Variants in TRAPPC10 observed in about 807,000 individuals in gnomAD.
TRAPPC10 encodes TRAPP 130 kDa subunit.
A neutral mutation model predicts 125.5 loss-of-function variants in TRAPPC10; 23 were observed. The observed-to-expected ratio is 0.18, with a 90% CI of 0.13 to 0.26. The LOEUF (loss-of-function observed/expected upper bound fraction) is 0.26. Among genes scored for constraint, TRAPPC10 ranks in the 10% least tolerant of loss-of-function variants. The probability of loss-of-function intolerance (pLI) is 1.00; values close to 1 mark genes in which losing one functional copy is unlikely to be tolerated. For synonymous variants in TRAPPC10, 509 were observed against 518.0 expected (o/e 0.98, Z 0.24); for missense variants, 1,123 against 1,308.4 (o/e 0.86, Z 2.19).
At chr21:44,026,549 C>T (rs2033092202) in intron 1 of TRAPPC10, among the ~76,000 whole-genome samples, 1 of 152,220 alleles carries the variant, frequency 6.6e-6, no homozygotes, top group Non-Finnish European at 1.5e-5. Context: ...GGTGCCCTCT[C>T]TAATCCCGTG....
chr21:44,077,726 A>G lies in TRAPPC10; in HGVS notation c.1411A>G (p.Ser471Gly), dbSNP rs766748736. ...LSHATIEMYTSIGRIRSAKFV... is the reference protein window; with the variant it reads ...LSHATIEMYTGIGRIRSAKFV... ...CCATGCCACCATTGAAATGTATACA[A>G]GCATTGGGAGGATTCGATCTGCTAA... Residue 471 changes from serine (S) to glycine (G), a missense_variant, in exon 11 of 23, where the codon AGC becomes GGC. This residue lies in a region of TRAPPC10 where 840 missense variants were observed against 902.0 expected (regional missense o/e 0.93). Coordinates refer to ENST00000291574, the MANE Select transcript of TRAPPC10 (RefSeq NM_003274.5). 1 of 1,610,388 alleles carries G rather than the reference A, an allele frequency of 6.2e-7. No homozygotes were observed. Among genetic ancestry groups the G allele is most frequent in the Non-Finnish European group, 8.5e-7 (1 of 1,177,812 alleles).
chr21:44,042,171 A>G (rs1174736092), intron 3 of TRAPPC10, among the ~76,000 whole-genome samples: 2 of 151,722 alleles, frequency 1.3e-5, no homozygotes, highest in Non-Finnish European at 2.9e-5. Flanking sequence ...TTTCATTTGT[A>G]TTATTTTCTT....
intron 8 of TRAPPC10, 96 bp downstream of exon 8, chr21:44,074,566 A>G: frequency 1.3e-6 from 2 of 1,527,952 alleles, no homozygotes; most frequent in Admixed American, 1.8e-5. Flanking sequence ...GGTGTTGCTC[A>G]TTTAGATCAC....
At chr21:44,029,372 G>A (rs1364160677) in intron 1 of TRAPPC10, among the ~76,000 whole-genome samples, 1 of 152,204 alleles carries the variant, frequency 6.6e-6, no homozygotes, top group African/African-American at 2.4e-5. Context: ...GGGATTACAG[G>A]CGTGAGCCAC....
At chr21:44,077,269 GA>G (rs1255961594) in intron 10 of TRAPPC10, among the ~76,000 whole-genome samples, 1 of 152,128 alleles carries the variant, frequency 6.6e-6, no homozygotes, top group Admixed American at 6.5e-5. Context: ...AGATGCAAAG[GA>G]AAAAATAATG....
At chr21:44,037,971 G>A in intron 3 of TRAPPC10, 44 bp downstream of exon 3, 1 of 1,597,276 alleles carries the variant, frequency 6.3e-7, no homozygotes, top group Non-Finnish European at 8.5e-7. Context: ...GGATGGGGTT[G>A]GAGATGCGTG....
At chr21:44,012,769 TG>T (rs1046195884) in intron 1 of TRAPPC10, among the ~76,000 whole-genome samples, 1 of 151,670 alleles carries the variant, frequency 6.6e-6, no homozygotes, top group East Asian at 1.9e-4. Context: ...CTCTGACCCC[TG>T]GGGGGCGCCC....
chr21:44,072,705 C>G (rs1252761524), intron 7 of TRAPPC10, among the ~76,000 whole-genome samples: 5 of 152,210 alleles, frequency 3.3e-5, no homozygotes, highest in African/African-American at 7.2e-5. Flanking sequence ...CTCAGGTGAT[C>G]TGCCCACCTC....
At chr21:44,083,942 A>T (rs1321165456) in intron 14 of TRAPPC10, among the ~76,000 whole-genome samples, 180 bp from the exon 15 acceptor site, 1 of 152,220 alleles carries the variant, frequency 6.6e-6, no homozygotes, top group East Asian at 1.9e-4. Flanking sequence ...GAATTGAGAG[A>T]TTCTGAGGGC....
At chr21:44,025,819 GGGGTGTGTGTGT>G (rs1441696933) in intron 1 of TRAPPC10, among the ~76,000 whole-genome samples, 61 of 132,196 alleles carry the variant, frequency 4.6e-4, no homozygotes, top group African/African-American at 1.7e-3. Flanking sequence ...GCAGAGGGCA[GGGGTGTGTGTGT>G]GTGTGTGTGT....
chr21:44,023,480 C>T (rs767779241), intron 1 of TRAPPC10, among the ~76,000 whole-genome samples: 4 of 152,068 alleles, frequency 2.6e-5, no homozygotes, highest in Admixed American at 6.5e-5. Context: ...ATTGTTGCCT[C>T]GTTGGTGAGC....
chr21:44,054,078 G>T (rs2035402561), intron 4 of TRAPPC10, among the ~76,000 whole-genome samples: 2 of 152,134 alleles, frequency 1.3e-5, no homozygotes, highest in Admixed American at 6.6e-5. Flanking sequence ...TTCGCGTCTG[G>T]TCGGGAATAA....
Position 44,048,985 on chromosome 21 carries a change from GATGTACTGAGA to G in TRAPPC10, c.286-3285_286-3275del, listed in dbSNP as rs1340400100. On this transcript the variant is annotated intron_variant, in intron 3 of 22. Transcript: ENST00000291574. ...TTGTTCTGAATTTGGCTTCTGTACT[GATGTACTGAGA>G]ATGTACTGATTCTTTGAGTACTCTC... Among the ~76,000 whole-genome samples the G allele has an allele frequency of 4.6e-5, 7 of 152,174 alleles. No homozygotes were observed. The East Asian group carries it at 1.3e-3, about 29-fold the overall frequency.
At chr21:44,020,619 G>A (rs1344028010) in intron 1 of TRAPPC10, among the ~76,000 whole-genome samples, 2 of 151,968 alleles carry the variant, frequency 1.3e-5, no homozygotes, top group Non-Finnish European at 2.9e-5. Context: ...GGGCGACAGA[G>A]TGAGACCCTG....
At position 44,052,408 on chromosome 21, in the gene TRAPPC10, C is replaced by G; in HGVS notation, c.414C>G (p.Thr138=). The G allele has an allele frequency of 2.5e-6, 4 of 1,613,818 alleles. No homozygotes were observed. Among genetic ancestry groups the G allele is most frequent in the Non-Finnish European group, 3.4e-6 (4 of 1,179,968 alleles). The change falls in exon 4 of 23, where the codon ACC becomes ACG. Residue 138 remains threonine (T), a synonymous_variant. Transcript: ENST00000291574. ...VENDAKKKNK[T]NILPRTSIVD... The stretch of plus-strand genomic sequence containing the variant: ...ATGATGCCAAGAAAAAAAACAAAAC[C>G]AACATCCTTCCCCGAACCTCTATTG...
At chr21:44,091,716 G>T in intron 18 of TRAPPC10, 1 of 433,742 alleles carries the variant, frequency 2.3e-6, no homozygotes, top group Non-Finnish European at 4.2e-6. Flanking sequence ...GGGATTACAG[G>T]CGTGAGCCAC....
At chr21:44,065,253 T>C (rs1421769388) in intron 7 of TRAPPC10, among the ~76,000 whole-genome samples, 1 of 152,174 alleles carries the variant, frequency 6.6e-6, no homozygotes, top group Non-Finnish European at 1.5e-5. Flanking sequence ...GTGTGGGCTC[T>C]GGAGTTCCCT....
chr21:44,036,516 A>G (rs935924286), intron 2 of TRAPPC10, among the ~76,000 whole-genome samples: 2 of 152,236 alleles, frequency 1.3e-5, no homozygotes, highest in Non-Finnish European at 2.9e-5. Context: ...TTCTGTGTAC[A>G]GAAAGCCATT....
rs2035549565 is a variant in TRAPPC10, at chr21:44,055,868, G to A, written c.653G>A (p.Ser218Asn). The change falls in exon 5 of 23, where the codon AGC becomes AAC. Residue 218 changes from serine (S) to asparagine (N), a missense_variant. Physicochemically the swap from Ser to Asn is conservative, Grantham distance 46. Coordinates refer to ENST00000291574, the MANE Select transcript of TRAPPC10 (RefSeq NM_003274.5). ...GAGAAGAGGACTGAGCCAGGCTGGA[G>A]CTTTTGTGAATATTTCATGGTTCAG... ...LREKRTEPGW[S>N]FCEYFMVQEE... 1.2e-6 allele frequency: 2 copies of A among 1,606,354 alleles called. No individual in the cohort carries two copies. The highest frequency in any genetic ancestry group is 1.7e-6 in the Non-Finnish European group (2 of 1,173,898).
Sources: gnomAD v4.1 joint callset for allele counts (sites outside exome capture counted in the v4.1 genomes callset) on GRCh38, gnomAD v4.1.1 for gene constraint, gnomAD v4.1.1 regional missense constraint, MANE v1.5 for transcripts, NCBI Gene and HGNC (gene_info 2026-07-23, HGNC 2026-07-21) for gene names.